Variants in EXOC5 observed in about 807,000 individuals in gnomAD.
EXOC5 encodes SEC10-like 1.
EXOC5 carries 17 observed loss-of-function variants against 90.8 expected under a neutral mutation model. That is an observed-to-expected ratio of 0.19 (90% CI 0.13 to 0.28). The LOEUF (loss-of-function observed/expected upper bound fraction) is 0.28, where lower values mean the gene tolerates loss of function less well. Ranked by LOEUF, EXOC5 falls within the 10% of genes least tolerant of loss-of-function variation. EXOC5 has a pLI of 1.00. For synonymous variants in EXOC5, 260 were observed against 270.0 expected (o/e 0.96, Z 0.36); for missense variants, 569 against 830.6 (o/e 0.69, Z 3.87).
chr14:57,215,442 T>C (rs1451533441), intron 15 of EXOC5, among the ~76,000 whole-genome samples: 1 of 150,798 alleles, frequency 6.6e-6, no homozygotes, highest in South Asian at 2.1e-4. Flanking sequence ...CTGAATTCAA[T>C]AGCACACTGA....
intron 3 of EXOC5, among the ~76,000 whole-genome samples, chr14:57,246,070 A>G (rs1251022017): frequency 1.3e-5 from 2 of 151,972 alleles, no homozygotes; most frequent in Non-Finnish European, 1.5e-5. Context: ...GGGGGGAATC[A>G]AATTCCAGAT....
At chr14:57,251,441 A>T (rs529387045) in intron 1 of EXOC5, among the ~76,000 whole-genome samples, 1 of 152,344 alleles carries the variant, frequency 6.6e-6, no homozygotes, top group Non-Finnish European at 1.5e-5. Context: ...ATTTAAGTAA[A>T]TGGATCAAAG....
chr14:57,260,453 T>A (rs927098152), intron 1 of EXOC5, among the ~76,000 whole-genome samples: 1 of 152,186 alleles, frequency 6.6e-6, no homozygotes. Flanking sequence ...AGCCAATTAA[T>A]CATGTTATCA....
chr14:57,231,559 T>A lies in EXOC5; in HGVS notation c.1095A>T (p.Leu365=). The A allele has an allele frequency of 1.9e-6, 3 of 1,612,458 alleles. No homozygotes were observed. The highest frequency in any genetic ancestry group is 2.5e-6 in the Non-Finnish European group (3 of 1,179,666). ...GGTTTTTCGAATCATAATAGCGCTGTAGGATCATAGCACTTCTGCTTTTCA... is the reference window on the plus strand; with the variant it reads ...GGTTTTTCGAATCATAATAGCGCTGAAGGATCATAGCACTTCTGCTTTTCA... ...GYLKSRSAMI[L]QRYYDSKNHQ... is the part of the protein sequence containing the mutation. The change falls in exon 11 of 18, where the codon CTA becomes CTT. Residue 365 remains leucine (L), a synonymous_variant. Transcript: ENST00000621441.
intron 7 of EXOC5, among the ~76,000 whole-genome samples, chr14:57,235,031 C>A (rs1469668488): frequency 6.6e-6 from 1 of 152,036 alleles, no homozygotes; most frequent in Non-Finnish European, 1.5e-5. Flanking sequence ...ATAAATCATA[C>A]ATAAAAACCA....
chr14:57,252,711 C>A (rs767350409), intron 1 of EXOC5, among the ~76,000 whole-genome samples: 1 of 151,920 alleles, frequency 6.6e-6, no homozygotes, highest in Non-Finnish European at 1.5e-5. Flanking sequence ...ACAGCCATTA[C>A]GAAAAATGTT....
At chr14:57,237,195 T>C in intron 6 of EXOC5, 143 bp downstream of exon 6, 1 of 622,900 alleles carries the variant, frequency 1.6e-6, no homozygotes, top group South Asian at 1.8e-5. Context: ...GGAAGAGAAA[T>C]CAAACTCAGG....
intron 15 of EXOC5, among the ~76,000 whole-genome samples, chr14:57,217,560 A>C (rs541180859): frequency 1.3e-5 from 2 of 152,194 alleles, no homozygotes; most frequent in Non-Finnish European, 2.9e-5. Flanking sequence ...TGACAAATGT[A>C]GTGTGTGTTC....
At chr14:57,240,261 T>C (rs889121795) in intron 4 of EXOC5, among the ~76,000 whole-genome samples, 2 of 151,334 alleles carry the variant, frequency 1.3e-5, no homozygotes, top group African/African-American at 4.9e-5. Flanking sequence ...CCCAGATATC[T>C]CTTAAGGCCA....
At chr14:57,234,594 T>C (rs903889159) in intron 7 of EXOC5, among the ~76,000 whole-genome samples, 1 of 150,088 alleles carries the variant, frequency 6.7e-6, no homozygotes, top group Non-Finnish European at 1.5e-5. Context: ...AGACAGGATT[T>C]CACTCCTGTC....
intron 4 of EXOC5, among the ~76,000 whole-genome samples, chr14:57,242,403 G>GC (rs1170836338): frequency 5.9e-5 from 8 of 135,534 alleles, no homozygotes; most frequent in African/African-American, 3.1e-4. Context: ...TGCCACAACG[G>GC]TCAGCTAATT....
At chr14:57,261,705 G>C (rs987462920) in intron 1 of EXOC5, among the ~76,000 whole-genome samples, 1 of 152,152 alleles carries the variant, frequency 6.6e-6, no homozygotes, top group Admixed American at 6.5e-5. Flanking sequence ...AAATAAGCTG[G>C]GGCTGCTCAA....
intron 11 of EXOC5, among the ~76,000 whole-genome samples, chr14:57,231,136 A>G (rs1883472336): frequency 6.6e-6 from 1 of 151,500 alleles, no homozygotes; most frequent in African/African-American, 2.4e-5. Flanking sequence ...AGCCTCCTTA[A>G]TGGCTGGGAT....
Position 57,247,692 on chromosome 14 carries a change from T to C in EXOC5, c.48A>G (p.Glu16=). ...ELFEEPFVAD[E]YIERLVWRTP... is the part of the protein sequence containing the mutation. ...TTCTCCATACAAGACGTTCAATATA[T>C]TCATCTGCCACAAAAGGCTCCTAGT... The change falls in exon 2 of 18, where the codon GAA becomes GAG. Residue 16 remains glutamate (E), a synonymous_variant. Coordinates refer to ENST00000621441, the MANE Select transcript of EXOC5 (RefSeq NM_006544.4). 2.6e-6 allele frequency: 4 copies of C among 1,557,862 alleles called. No homozygotes were observed. The highest frequency in any genetic ancestry group is 3.5e-6 in the Non-Finnish European group (4 of 1,148,248).
Position 57,203,142 on chromosome 14 carries a change from GACTC to G in EXOC5, c.*5463_*5466del. 1 of 152,224 alleles carries G rather than the reference GACTC, an allele frequency of 6.6e-6. No homozygotes were observed. Among genetic ancestry groups the G allele is most frequent in the African/African-American group, 2.4e-5 (1 of 41,534 alleles). The allele number at this position is 152,224 out of a possible 1,614,324, so 9.4% of individuals were successfully genotyped here. On this transcript the variant is annotated 3_prime_UTR_variant, in exon 18 of 18. Coordinates refer to ENST00000621441, the MANE Select transcript of EXOC5 (RefSeq NM_006544.4). ...GGTTATTTATTTTTCTAAAAACAGG[GACTC>G]ACTATGTTGCCCAGAGTGGTCTTGA... is the stretch of plus-strand genomic sequence containing the variant.
chr14:57,220,450 T>A (rs1419465152), intron 13 of EXOC5, among the ~76,000 whole-genome samples: 1 of 152,196 alleles, frequency 6.6e-6, no homozygotes, highest in South Asian at 2.1e-4. Flanking sequence ...TTAAAGAATA[T>A]TCAATAATTA....
intron 1 of EXOC5, 47 bp downstream of exon 1, chr14:57,268,575 C>G: frequency 1.3e-6 from 2 of 1,565,536 alleles, no homozygotes; most frequent in Non-Finnish European, 1.7e-6. Flanking sequence ...ACCCAGCTGC[C>G]TGCAAACCCC....
At chr14:57,217,048 C>T (rs897605549) in intron 15 of EXOC5, among the ~76,000 whole-genome samples, 8 of 152,080 alleles carry the variant, frequency 5.3e-5, no homozygotes, top group African/African-American at 1.9e-4. Context: ...ATCAGGAAAA[C>T]GCAATCAGTT....
intron 15 of EXOC5, among the ~76,000 whole-genome samples, chr14:57,215,068 A>G (rs1053082637): frequency 6.6e-6 from 1 of 152,036 alleles, no homozygotes; most frequent in Admixed American, 6.6e-5. Flanking sequence ...TGTCTCTACT[A>G]AAAATACAAA....
Sources: gnomAD v4.1 joint callset for allele counts (sites outside exome capture counted in the v4.1 genomes callset) on GRCh38, gnomAD v4.1.1 for gene constraint, MANE v1.5 for transcripts, NCBI Gene and HGNC (gene_info 2026-07-23, HGNC 2026-07-21) for gene names.